The following MYO16 variants were observed in gnomAD, a reference collection of about 807,000 sequenced individuals.
MYO16 encodes myosin XVI.
MYO16 carries 94 observed loss-of-function variants against 205.3 expected under a neutral mutation model. The ratio of observed to expected loss-of-function variants is 0.46; its 90% CI spans 0.39 to 0.54. MYO16 has a LOEUF of 0.54. Among genes scored for constraint, MYO16 ranks in the 20% least tolerant of loss-of-function variants. The pLI is 0.00. For synonymous variants in MYO16, 988 were observed against 954.0 expected, an observed-to-expected ratio of 1.04 and a Z score of -0.66; for missense variants, 2,315 against 2,387.5, an observed-to-expected ratio of 0.97 and a Z score of 0.63.
At chr13:108,800,464 C>T (rs979109661) in intron 6 of MYO16, among the ~76,000 whole-genome samples, 2 of 152,132 alleles carry the variant, frequency 1.3e-5, no homozygotes, top group Non-Finnish European at 2.9e-5. Flanking sequence ...ACCTAGTGTG[C>T]CCTCAGTCTC....
chr13:108,532,371 G>A, the MYO16 span, among the ~76,000 whole-genome samples: 1 of 151,730 alleles, frequency 6.6e-6, no homozygotes, highest in African/African-American at 2.4e-5. Context: ...ATCTTCAAAG[G>A]AGCTGTTTGA....
At chr13:109,151,885 G>A (rs771976483) in intron 32 of MYO16, among the ~76,000 whole-genome samples, 3 of 152,258 alleles carry the variant, frequency 2.0e-5, no homozygotes, top group East Asian at 1.9e-4. Flanking sequence ...GGCCACATCC[G>A]TTTGGTGACG....
the MYO16 span, among the ~76,000 whole-genome samples, chr13:108,504,572 G>A: frequency 1.3e-5 from 2 of 150,554 alleles, no homozygotes; most frequent in Non-Finnish European, 3.0e-5. Flanking sequence ...GTCTCTCTCT[G>A]TTGCCAGGGC....
chr13:108,680,781 G>A (rs148532312), intron 2 of MYO16, among the ~76,000 whole-genome samples: 127 of 152,316 alleles, frequency 8.3e-4, no homozygotes, highest in Middle Eastern at 3.4e-3. Context: ...TACAGATGGG[G>A]AGATGAGGGA....
At chr13:109,119,695 T>C (rs1024342630) in intron 28 of MYO16, among the ~76,000 whole-genome samples, 1 of 152,248 alleles carries the variant, frequency 6.6e-6, no homozygotes, top group Non-Finnish European at 1.5e-5. Context: ...CACTAGAGCT[T>C]GTCATATAAA....
intron 27 of MYO16, among the ~76,000 whole-genome samples, chr13:109,098,493 C>T (rs1888847940): frequency 6.6e-6 from 1 of 152,150 alleles, no homozygotes; most frequent in South Asian, 2.1e-4. Flanking sequence ...TGAGGCAAAA[C>T]TTCATAGCCC....
At chr13:108,663,180 T>C (rs1358083624) in intron 1 of MYO16, among the ~76,000 whole-genome samples, 1 of 152,198 alleles carries the variant, frequency 6.6e-6, no homozygotes, top group East Asian at 1.9e-4. Flanking sequence ...TGGTTTCTTC[T>C]TGAAGTCAAT....
chr13:108,988,965 C>T (rs942346475), intron 20 of MYO16, among the ~76,000 whole-genome samples: 4 of 152,180 alleles, frequency 2.6e-5, no homozygotes, highest in Admixed American at 1.3e-4. Flanking sequence ...AAACCAGACA[C>T]TTTTCTCCTA....
At chr13:108,579,969 CATG>C in the MYO16 span, among the ~76,000 whole-genome samples, 1 of 152,098 alleles carries the variant, frequency 6.6e-6, no homozygotes, top group African/African-American at 2.4e-5. Flanking sequence ...TTTTGAAATT[CATG>C]ATAATTTATA....
chr13:108,563,691 AAG>A, the MYO16 span, among the ~76,000 whole-genome samples: 212 of 152,292 alleles, frequency 1.4e-3, no homozygotes, highest in Non-Finnish European at 1.7e-3. Flanking sequence ...TTATGGCTTG[AAG>A]AGTACTCCAT....
intron 34 of MYO16, among the ~76,000 whole-genome samples, chr13:109,197,864 G>A (rs747867041): frequency 3.3e-4 from 50 of 152,148 alleles, no homozygotes; most frequent in Non-Finnish European, 5.7e-4. Flanking sequence ...CAACATTGAT[G>A]TTAGGCATGA....
the MYO16 span, among the ~76,000 whole-genome samples, chr13:108,518,965 A>G: frequency 1.3e-5 from 2 of 152,230 alleles, no homozygotes; most frequent in Non-Finnish European, 1.5e-5. Flanking sequence ...AAGGATGCAC[A>G]TAAATTTAGT....
At chr13:108,916,887 A>C (rs1217552133) in intron 16 of MYO16, among the ~76,000 whole-genome samples, 1 of 152,216 alleles carries the variant, frequency 6.6e-6, no homozygotes, top group Non-Finnish European at 1.5e-5. Flanking sequence ...TTTGGTTTCA[A>C]ATTTCTGTTC....
intron 16 of MYO16, among the ~76,000 whole-genome samples, chr13:108,956,425 T>C (rs1883350064): frequency 6.6e-6 from 1 of 152,162 alleles, no homozygotes; most frequent in African/African-American, 2.4e-5. Context: ...TGCCCTGGGC[T>C]ACCAGGATAT....
chr13:108,685,975 A>G (rs532916281), intron 2 of MYO16, among the ~76,000 whole-genome samples: 7 of 152,342 alleles, frequency 4.6e-5, no homozygotes, highest in Non-Finnish European at 8.8e-5. Context: ...TCTTTGAATA[A>G]ACGGTCACTT....
At chr13:108,764,393 C>T (rs1334555803) in intron 4 of MYO16, among the ~76,000 whole-genome samples, 1 of 152,042 alleles carries the variant, frequency 6.6e-6, no homozygotes, top group Non-Finnish European at 1.5e-5. Flanking sequence ...GCTGTATATC[C>T]TCAGAGCAGA....
chr13:108,787,886 T>C (rs975620556), intron 5 of MYO16, among the ~76,000 whole-genome samples: 9 of 152,234 alleles, frequency 5.9e-5, no homozygotes, highest in East Asian at 1.9e-4. Flanking sequence ...TCTGCTTATG[T>C]TGGTCTTCCT....
chr13:108,609,124 G>T (rs774153919), intron 1 of MYO16, among the ~76,000 whole-genome samples: 4 of 152,130 alleles, frequency 2.6e-5, no homozygotes, highest in African/African-American at 9.7e-5. Context: ...GACAACTCAA[G>T]CCTGTCTGCA....
chr13:108,827,960 C>T (rs1876373627), intron 9 of MYO16, among the ~76,000 whole-genome samples: 1 of 152,090 alleles, frequency 6.6e-6, no homozygotes, highest in Non-Finnish European at 1.5e-5. Context: ...CTACATGTTG[C>T]CTAAGTGGAG....
Sources: allele counts gnomAD v4.1 joint callset (sites outside exome capture counted in the v4.1 genomes callset), GRCh38; gene constraint gnomAD v4.1.1; transcripts MANE v1.5; gene names NCBI Gene and HGNC (gene_info 2026-07-23, HGNC 2026-07-21).